Variants in LRRC71 observed in about 807,000 individuals in gnomAD.
The protein encoded by LRRC71 is leucine rich repeat containing 71.
In LRRC71, 54 loss-of-function variants were observed where a neutral mutation model predicts 66.6. That is an observed-to-expected ratio of 0.81 (90% CI 0.65 to 1.02). The LOEUF (loss-of-function observed/expected upper bound fraction) is 1.02, where lower values mean the gene tolerates loss of function less well. LRRC71 is among the 50% of genes least tolerant of loss of function. The pLI is 0.00. For missense variants in LRRC71, 724 were observed against 718.0 expected, an observed-to-expected ratio of 1.01 and a Z score of -0.10; for synonymous variants, 323 against 303.9, an observed-to-expected ratio of 1.06 and a Z score of -0.65.
At chr1:156,928,486 T>TCC (rs1653735896) in intron 9 of LRRC71, among the ~76,000 whole-genome samples, 1 of 128,262 alleles carries the variant, frequency 7.8e-6, no homozygotes, top group African/African-American at 3.6e-5. Context: ...CTCTTCCTCC[T>TCC]CCTCCTCTTC....
At position 156,924,042 on chromosome 1, in the gene LRRC71, C is replaced by T; in HGVS notation, c.254C>T (p.Pro85Leu). 1 of 1,540,634 alleles carries T rather than the reference C, an allele frequency of 6.5e-7. No homozygotes were observed. Among genetic ancestry groups the T allele is most frequent in the South Asian group, 1.2e-5 (1 of 83,514 alleles). ...YTDFPKVVNR[P>L]RPHPPFVPSA... ...GACTTCCCCAAAGTTGTCAACCGGC[C>T]CCGCCCCCACCCGCCCTTCGTCCCC... Residue 85 changes from proline (P) to leucine (L), a missense_variant, in exon 2 of 15, where the codon CCC (proline) becomes CTC (leucine). Transcript: ENST00000337428.
rs1654465441 is a variant in LRRC71 at position 156,932,144 on chromosome 1, A to G, written c.1441+117A>G. The G allele has an allele frequency of 3.5e-6, 3 of 854,212 alleles. No homozygotes were observed. In the Admixed American group the frequency reaches 6.7e-5, roughly 19 times the overall value. The allele number at this position is 854,212 out of a possible 1,614,324, so 52.9% of individuals were successfully genotyped here. ...GCTGGTCCTCCCATCTTTGGGCTAC[A>G]TGTCCCCCAAGGCTCTCTGGCACAG... On this transcript the variant is annotated intron_variant, in intron 13 of 14. Transcript: ENST00000337428.
chr1:156,921,213 C>A (rs185233607), intron 1 of LRRC71, among the ~76,000 whole-genome samples: 4,256 of 152,254 alleles, frequency 0.028, 74 homozygotes, highest in South Asian at 0.055. Flanking sequence ...GTGAGGGCAT[C>A]AGGGGTGTTG....
At position 156,920,867 on chromosome 1, in the gene LRRC71, T is replaced by C; in HGVS notation, c.64T>C (p.Ser22Pro). 1 of 1,541,702 alleles carries C rather than the reference T, an allele frequency of 6.5e-7. No homozygotes were observed. The highest frequency in any genetic ancestry group is 2.0e-5 in the Admixed American group (1 of 50,166). ...GGCCCCGCGTCCGGGGACCCAGAAGTCTTCTGGCGCGGTGACCAAAAAGGG... is the reference window on the plus strand; with the variant it reads ...GGCCCCGCGTCCGGGGACCCAGAAGCCTTCTGGCGCGGTGACCAAAAAGGG... ...PRAPRPGTQK[S>P]SGAVTKKGER... Residue 22 changes from serine (S) to proline (P), a missense_variant, in exon 1 of 15, where the codon TCT (serine) becomes CCT (proline). Coordinates refer to ENST00000337428, the MANE Select transcript of LRRC71 (RefSeq NM_144702.3). The surrounding 1 kb of genome is among the most constrained non-coding windows in gnomAD (Gnocchi z 4.9).
rs1654630958 is a variant in LRRC71, at chr1:156,933,028, T to G, written c.*59T>G. ...GCTACAGAAGCACCTCCTGTCCCTG[T>G]GTGGGGTGACCTCCCTGGGGGAGAT... is the stretch of plus-strand genomic sequence containing the variant. On this transcript the variant is annotated 3_prime_UTR_variant, in exon 15 of 15. Transcript: ENST00000337428. The G allele has an allele frequency of 7.7e-7, 1 of 1,306,706 alleles. No individual in the cohort carries two copies. The highest frequency in any genetic ancestry group is 2.1e-5 in the Admixed American group (1 of 47,088). 80.9% of individuals were successfully genotyped at this position (1,306,706 alleles called of 1,614,324 possible).
intron 9 of LRRC71, among the ~76,000 whole-genome samples, chr1:156,928,985 A>G (rs951564477): frequency 1.3e-5 from 2 of 152,142 alleles, no homozygotes; most frequent in Non-Finnish European, 2.9e-5. Flanking sequence ...TGCAGTTAAA[A>G]TAGCACCTGG....
intron 12 of LRRC71, among the ~76,000 whole-genome samples, chr1:156,931,713 C>A (rs965958789): frequency 6.6e-6 from 1 of 152,078 alleles, no homozygotes; most frequent in African/African-American, 2.4e-5. Flanking sequence ...CACTCCAGAC[C>A]ACGTTACTTT....
chr1:156,938,030 G>C (rs1655879267), downstream of LRRC71, among the ~76,000 whole-genome samples: 1 of 152,210 alleles, frequency 6.6e-6, no homozygotes, highest in South Asian at 2.1e-4. Context: ...AACCACCGCG[G>C]AATCTGGGAG....
chr1:156,940,102 A>T, the LRRC71 span: 1 of 1,427,650 alleles, frequency 7.0e-7, no homozygotes. Flanking sequence ...CCTCAAGCAC[A>T]CCAGGAAGAG....
chr1:156,940,162 G>A, the LRRC71 span: 1 of 1,527,520 alleles, frequency 6.5e-7, no homozygotes, highest in African/African-American at 1.4e-5. Flanking sequence ...CACTGGGTGT[G>A]CGACTGGGGA....
the LRRC71 span, chr1:156,938,569 A>G: frequency 1.3e-6 from 2 of 1,554,890 alleles, no homozygotes; most frequent in Non-Finnish European, 1.8e-6. Flanking sequence ...AAGGAAAGGG[A>G]AGGGAGAGAG....
Position 156,927,656 on chromosome 1 carries a change from G to A in LRRC71, c.822+1G>A. On this transcript the variant is annotated splice_donor_variant, in intron 7 of 14. Transcript: ENST00000337428. LOFTEE classifies it high-confidence loss of function. ...CGAGGGCGCAGGCTACATCGCGGAC[G>A]TGAGTGCACGGCGGGGAGGGACCTG... 1.2e-6 allele frequency: 2 copies of A among 1,606,852 alleles called. No homozygotes were observed. Among genetic ancestry groups the A allele is most frequent in the East Asian group, 4.5e-5 (2 of 44,792 alleles).
the LRRC71 span, chr1:156,939,190 C>T: frequency 3.4e-6 from 1 of 298,040 alleles, no homozygotes; most frequent in South Asian, 3.4e-5. Context: ...AGAAGAGTGG[C>T]TCTTTTCCCT....
Position 156,924,744 on chromosome 1 carries a change from G to C in LRRC71, c.515+26G>C. 1.9e-6 allele frequency: 3 copies of C among 1,550,820 alleles called. No individual in the cohort carries two copies. The African/African-American group carries it at 4.1e-5, about 21-fold the overall frequency. On this transcript the variant is annotated intron_variant, in intron 4 of 14. Coordinates refer to ENST00000337428, the MANE Select transcript of LRRC71 (RefSeq NM_144702.3). The stretch of plus-strand genomic sequence containing the variant: ...GTGAGAGGCACTGAGGGGATGGGCG[G>C]GGGACCAGAGTGGGAGTTGGGGCTC...
chr1:156,936,782 TG>T, downstream of LRRC71: 1 of 1,593,258 alleles, frequency 6.3e-7, no homozygotes, highest in African/African-American at 1.3e-5. Flanking sequence ...TCTCCCCCAA[TG>T]GTAGGAACCG....
chr1:156,920,683 C>T lies in LRRC71; in HGVS notation c.-121C>T. On this transcript the variant is annotated 5_prime_UTR_variant, in exon 1 of 15. Transcript: ENST00000337428. The surrounding 1 kb of genome is among the most constrained non-coding windows in gnomAD (Gnocchi z 4.9). The stretch of plus-strand genomic sequence containing the variant: ...TACGCCACCGCGGACGGGTCGGATC[C>T]GGTCCCTGGACGCGGAACAGAGATC... The T allele has an allele frequency of 3.2e-6, 4 of 1,235,170 alleles. No homozygotes were observed. The highest frequency in any genetic ancestry group is 4.2e-6 in the Non-Finnish European group (4 of 953,872). 76.5% of individuals were successfully genotyped at this position (1,235,170 alleles called of 1,614,324 possible). A position where few individuals can be genotyped will look rare whatever the true frequency, so the allele number is the denominator to read the frequency against.
At chr1:156,936,147 C>A, downstream of LRRC71, 2 of 1,320,508 alleles carry the variant, frequency 1.5e-6, no homozygotes, top group South Asian at 2.3e-5. Context: ...CTCACGAGAA[C>A]AGATCCTTCA....
At chr1:156,931,694 G>C (rs1454506013) in intron 12 of LRRC71, among the ~76,000 whole-genome samples, 1 of 152,122 alleles carries the variant, frequency 6.6e-6, no homozygotes, top group Non-Finnish European at 1.5e-5. Context: ...GCTTGCCTCT[G>C]TCAGCGCTCA....
intron 11 of LRRC71, among the ~76,000 whole-genome samples, chr1:156,930,062 T>TTCTTTCTTTCTTTC (rs1654094780): frequency 1.8e-5 from 2 of 112,650 alleles, no homozygotes; most frequent in Non-Finnish European, 3.4e-5. Context: ...TTCTTTCTTT[T>TTCTTTCTTTCTTTC]TCTTTCTTTC....
Sources: gnomAD v4.1 joint callset for allele counts (sites outside exome capture counted in the v4.1 genomes callset) on GRCh38, gnomAD v4.1.1 for gene constraint, Gnocchi (gnomAD v3.1) non-coding constraint, MANE v1.5 for transcripts, NCBI Gene and HGNC (gene_info 2026-07-23, HGNC 2026-07-21) for gene names.